The following GSE1 variants were observed in gnomAD, a reference collection of about 807,000 sequenced individuals.
GSE1 encodes the protein Gse1 coiled-coil protein, also known as genetic suppressor element 1.
Under a neutral mutation model 112.6 loss-of-function variants are expected in GSE1, and 32 were observed. The observed-to-expected ratio is 0.28, with a 90% CI of 0.21 to 0.38. The LOEUF (loss-of-function observed/expected upper bound fraction) is 0.38, where lower values mean the gene tolerates loss of function less well. Ranked by LOEUF, GSE1 falls within the 10% of genes least tolerant of loss-of-function variation. The pLI, the probability that GSE1 is intolerant of heterozygous loss-of-function variation, is 1.00. For missense variants in GSE1, 2,348 were observed against 1,699.2 expected (o/e 1.38, Z -6.71); for synonymous variants, 1,115 against 735.6 (o/e 1.52, Z -8.35).
intron 1 of GSE1, among the ~76,000 whole-genome samples, chr16:85,603,681 AT>A (rs749760942): frequency 5.9e-5 from 9 of 151,964 alleles, no homozygotes; most frequent in Non-Finnish European, 1.2e-4. Context: ...TTTTATTATT[AT>A]TTTTTGTAGA....
At chr16:85,225,446 G>A (rs1328710053) in intron 1 of GSE1, among the ~76,000 whole-genome samples, 2 of 152,198 alleles carry the variant, frequency 1.3e-5, no homozygotes, top group African/African-American at 2.4e-5. Context: ...GAGCACAGGG[G>A]CTTTGTGGGG....
rs1357137171 is a variant in GSE1, at chr16:85,484,566, G to T, written c.2464+126923G>T. Among the ~76,000 whole-genome samples the T allele has an allele frequency of 2.6e-5, 4 of 152,368 alleles. No individual in the cohort carries two copies. In the South Asian group the frequency reaches 6.2e-4, roughly 24 times the overall value. On this transcript the variant is annotated intron_variant, in intron 2 of 2. Transcript: ENST00000637419. ...CGCGACACAGCAGGGGCCACCATTGGTGCTTCAGGGGCCAGGCCCATTGGA... is the reference window on the plus strand; with the variant it reads ...CGCGACACAGCAGGGGCCACCATTGTTGCTTCAGGGGCCAGGCCCATTGGA...
intron 2 of GSE1, among the ~76,000 whole-genome samples, chr16:85,441,953 G>A (rs994213311): frequency 2.6e-5 from 4 of 152,144 alleles, no homozygotes; most frequent in African/African-American, 7.2e-5. Flanking sequence ...AACTCTTCAC[G>A]ATGGCCTAAA....
Position 85,292,316 on chromosome 16 carries a change from T to C in GSE1, c.2284-65147T>C, listed in dbSNP as rs1003076693. Among the ~76,000 whole-genome samples, 11 of 86,630 alleles carry C rather than the reference T, an allele frequency of 1.3e-4. No homozygotes were observed. The Admixed American group carries it at 1.7e-3, about 13-fold the overall frequency. 56.8% of individuals were successfully genotyped at this position (86,630 alleles called of 152,430 possible). A position where few individuals can be genotyped will look rare whatever the true frequency, so the allele number is the denominator to read the frequency against. On this transcript the variant is annotated intron_variant, in intron 1 of 2. Transcript: ENST00000637419. The stretch of plus-strand genomic sequence containing the variant: ...ACCATGCCCAGCTAATTTTTGTTGT[T>C]TTTTTGTTTTTGTTTTTTTTTTTTG...
At chr16:85,562,432 G>A (rs1427881567) in intron 1 of GSE1, among the ~76,000 whole-genome samples, 1 of 152,192 alleles carries the variant, frequency 6.6e-6, no homozygotes, top group East Asian at 1.9e-4. Context: ...CCATGGGTGG[G>A]AACCTGATAT....
chr16:85,170,623 C>T, exon 1 of GSE1: 1 of 985,482 alleles, frequency 1.0e-6, no homozygotes, highest in Non-Finnish European at 1.2e-6. Flanking sequence ...AGCAGAAGGC[C>T]TTTGCTGCTA....
chr16:85,376,558 C>T (rs551683505), intron 2 of GSE1, among the ~76,000 whole-genome samples: 5 of 152,158 alleles, frequency 3.3e-5, no homozygotes, highest in South Asian at 4.1e-4. Context: ...GCCTGCCGGG[C>T]GTGTGGTCCT....
chr16:85,272,106 C>T (rs1057443790), intron 1 of GSE1, among the ~76,000 whole-genome samples: 4 of 152,260 alleles, frequency 2.6e-5, no homozygotes, highest in Non-Finnish European at 5.9e-5. Context: ...TTCCCATCAT[C>T]GTCACCATGC....
chr16:85,655,660 C>A (rs1364848436), intron 5 of GSE1, 66 bp from the exon 6 acceptor site: 2 of 1,085,974 alleles, frequency 1.8e-6, no homozygotes, highest in East Asian at 4.8e-5. Context: ...TGAGACACAC[C>A]TGTCGACAGG....
chr16:85,495,203 G>A (rs1173498935), intron 2 of GSE1, among the ~76,000 whole-genome samples: 1 of 152,178 alleles, frequency 6.6e-6, no homozygotes, highest in Non-Finnish European at 1.5e-5. Context: ...CCAAGGTTGG[G>A]GTCCCTGAAA....
At chr16:85,282,603 C>T (rs937686857) in intron 1 of GSE1, among the ~76,000 whole-genome samples, 3 of 152,138 alleles carry the variant, frequency 2.0e-5, no homozygotes, top group African/African-American at 2.4e-5. Flanking sequence ...ACAGAGCCCC[C>T]GGAGGATCAG....
chr16:85,624,666 A>C (rs968398332), intron 1 of GSE1, among the ~76,000 whole-genome samples: 5 of 152,162 alleles, frequency 3.3e-5, no homozygotes, highest in Non-Finnish European at 7.4e-5. Context: ...ACCCGGGTTG[A>C]GGGCGTGAAT....
intron 2 of GSE1, among the ~76,000 whole-genome samples, chr16:85,404,049 C>G (rs1172794082): frequency 6.6e-6 from 1 of 152,034 alleles, no homozygotes; most frequent in Non-Finnish European, 1.5e-5. Context: ...TGCGTCAGAA[C>G]TCCCTCTGCC....
At chr16:85,572,110 C>T (rs1294580995) in intron 1 of GSE1, among the ~76,000 whole-genome samples, 4 of 150,476 alleles carry the variant, frequency 2.7e-5, no homozygotes, top group Admixed American at 6.6e-5. Flanking sequence ...ACACACACCA[C>T]ACACAACGCA....
intron 1 of GSE1, among the ~76,000 whole-genome samples, chr16:85,625,491 C>T (rs1340831230): frequency 6.6e-6 from 1 of 152,184 alleles, no homozygotes; most frequent in Non-Finnish European, 1.5e-5. Context: ...GAAGCCCCTC[C>T]AGGTGACCTG....
chr16:85,216,373 T>G (rs138531899), intron 1 of GSE1, among the ~76,000 whole-genome samples: 1,733 of 152,316 alleles, frequency 0.011, 39 homozygotes, highest in African/African-American at 0.04. Context: ...CACTCCAGCC[T>G]GAATGACAGA....
At chr16:85,534,048 T>A (rs2044235500) in intron 2 of GSE1, among the ~76,000 whole-genome samples, 1 of 151,910 alleles carries the variant, frequency 6.6e-6, no homozygotes, top group East Asian at 1.9e-4. Context: ...TCCTTCCCAA[T>A]CATCTCTCCA....
At chr16:85,315,982 A>C (rs1223949882) in intron 1 of GSE1, among the ~76,000 whole-genome samples, 1 of 152,168 alleles carries the variant, frequency 6.6e-6, no homozygotes, top group Non-Finnish European at 1.5e-5. Context: ...GCTGGTGCCC[A>C]TGGTGCCCCT....
At chr16:85,485,565 G>A (rs969926305) in intron 2 of GSE1, among the ~76,000 whole-genome samples, 6 of 152,244 alleles carry the variant, frequency 3.9e-5, no homozygotes, top group Admixed American at 6.5e-5. Flanking sequence ...GGCTGCCGCC[G>A]CCGCCGCGTT....
Sources: allele counts gnomAD v4.1 joint callset (sites outside exome capture counted in the v4.1 genomes callset), GRCh38; gene constraint gnomAD v4.1.1; transcripts MANE v1.5; gene names NCBI Gene and HGNC (gene_info 2026-07-23, HGNC 2026-07-21).